Variants in PRKCG observed in about 807,000 individuals in gnomAD.
PRKCG encodes protein kinase C gamma type.
In PRKCG, 28 loss-of-function variants were observed where a neutral mutation model predicts 82.0. The observed-to-expected ratio is 0.34, with a 90% CI of 0.25 to 0.47. The LOEUF is 0.47. PRKCG is among the 20% of genes least tolerant of loss of function. PRKCG has a pLI of 1.00. For missense variants in PRKCG, 640 were observed against 952.7 expected (o/e 0.67, Z 4.32); for synonymous variants, 383 against 376.6 (o/e 1.02, Z -0.20).
rs1488083609 is a variant in PRKCG at position 53,892,762 on chromosome 19, A to G, written c.821+119A>G. 877 of 1,089,976 alleles carry G rather than the reference A, an allele frequency of 8.0e-4. 7 individuals are homozygous for G. Among genetic ancestry groups the G allele is most frequent in the Middle Eastern group, 3.1e-3 (13 of 4,152 alleles). 67.5% of individuals were successfully genotyped at this position (1,089,976 alleles called of 1,614,324 possible). On this transcript the variant is annotated intron_variant, in intron 7 of 17. Transcript: ENST00000263431. The surrounding 1 kb of genome is among the most constrained non-coding windows in gnomAD (Gnocchi z 5.9). ...TGCCTCCCAGCATGCGCACACACAC[A>G]CACACACACACACACACACGCACAC...
rs1002891475 is a variant in PRKCG, at chr19:53,907,321, C to T, written c.*426C>T. On this transcript the variant is annotated 3_prime_UTR_variant, in exon 18 of 18. Transcript: ENST00000263431. ...CCAGAACAGCCCTCGGCCTCCGAGG[C>T]TCCCCGCCTCCACTCTAGTTCTAGA... The T allele has an allele frequency of 6.7e-5, 18 of 268,518 alleles. No individual in the cohort carries two copies. The highest frequency in any genetic ancestry group is 1.2e-4 in the Non-Finnish European group (16 of 135,944). The allele number at this position is 268,518 out of a possible 1,614,324, so 16.6% of individuals were successfully genotyped here.
Position 53,899,970 on chromosome 19 carries a change from G to A in PRKCG, c.1282-263G>A, listed in dbSNP as rs182596402. Among the ~76,000 whole-genome samples the A allele has an allele frequency of 3.9e-5, 6 of 152,298 alleles. No homozygotes were observed. In the East Asian group the frequency reaches 5.8e-4, roughly 15 times the overall value. The stretch of plus-strand genomic sequence containing the variant: ...AGAGATTTTGGTGTTCCCGGATTTC[G>A]AGCGAATGGTGGGCTTCAGTCTTCA... On this transcript the variant is annotated intron_variant, in intron 11 of 17. Coordinates refer to ENST00000263431, the MANE Select transcript of PRKCG (RefSeq NM_002739.5).
At position 53,883,128 on chromosome 19, in the gene PRKCG, T is replaced by C. The variant is rs2068605506; in HGVS notation, c.171-35T>C. 1 of 1,613,616 alleles carries C rather than the reference T, an allele frequency of 6.2e-7. No homozygotes were observed. Among genetic ancestry groups the C allele is most frequent in the African/African-American group, 1.3e-5 (1 of 74,898 alleles). On this transcript the variant is annotated intron_variant, in intron 1 of 17. Coordinates refer to ENST00000263431, the MANE Select transcript of PRKCG (RefSeq NM_002739.5). The surrounding 1 kb of genome is among the most constrained non-coding windows in gnomAD (Gnocchi z 5.4). The stretch of plus-strand genomic sequence containing the variant: ...CAGAGGTTGGGGGTCCAGGTACCCC[T>C]TTCTGCACTGACCTAGGATCCCTGA...
chr19:53,899,522 C>G (rs2068746933), intron 11 of PRKCG, among the ~76,000 whole-genome samples: 1 of 151,954 alleles, frequency 6.6e-6, no homozygotes, highest in South Asian at 2.1e-4. Flanking sequence ...CGTGACTTTA[C>G]TTCCAGGGGC....
At chr19:53,887,235 C>T (rs961546603) in intron 3 of PRKCG, among the ~76,000 whole-genome samples, 12 of 151,988 alleles carry the variant, frequency 7.9e-5, no homozygotes, top group East Asian at 1.9e-4. Context: ...CAGTGGCTCA[C>T]GCCTGTAATC....
intron 3 of PRKCG, among the ~76,000 whole-genome samples, chr19:53,887,542 A>G (rs1224004521): frequency 7.6e-6 from 1 of 132,066 alleles, no homozygotes; most frequent in Non-Finnish European, 1.6e-5. Flanking sequence ...AAAAGGTAAC[A>G]TGCCTTGACC....
At position 53,893,267 on chromosome 19, in the gene PRKCG, G is replaced by C. The variant is rs901119724; in HGVS notation, c.910-95G>C. ...ATGGGAATTATAGTTCCTATCTATC[G>C]CCATGGCTTGAGGGTACTAGGGGCC... On this transcript the variant is annotated intron_variant, in intron 8 of 17. Transcript: ENST00000263431. The C allele has an allele frequency of 6.3e-6, 9 of 1,418,710 alleles. No homozygotes were observed. In the African/African-American group the frequency reaches 1.1e-4, roughly 18 times the overall value. The allele number at this position is 1,418,710 out of a possible 1,614,324, so 87.9% of individuals were successfully genotyped here. A position where few individuals can be genotyped will look rare whatever the true frequency, so the allele number is the denominator to read the frequency against.
At position 53,884,295 on chromosome 19, in the gene PRKCG, C is replaced by A; in HGVS notation, c.285+52C>A. 1.3e-6 allele frequency: 2 copies of A among 1,532,720 alleles called. No individual in the cohort carries two copies. Among genetic ancestry groups the A allele is most frequent in the African/African-American group, 1.4e-5 (1 of 73,248 alleles). The allele number at this position is 1,532,720 out of a possible 1,614,324, so 94.9% of individuals were successfully genotyped here. ...TCCTCGGGCCGTGCCCCCGCCCTCACCCCCTCGGCGTCCGTCCCAATTTCT... is the reference window on the plus strand; with the variant it reads ...TCCTCGGGCCGTGCCCCCGCCCTCAACCCCTCGGCGTCCGTCCCAATTTCT... On this transcript the variant is annotated intron_variant, in intron 3 of 17. Transcript: ENST00000263431. This position sits in a 1 kb window ranked among gnomAD's most constrained non-coding sequence, Gnocchi z 4.6.
chr19:53,887,551 C>T (rs369451797), intron 3 of PRKCG, among the ~76,000 whole-genome samples: 1 of 133,842 alleles, frequency 7.5e-6, no homozygotes, highest in Non-Finnish European at 1.5e-5. Context: ...CATGCCTTGA[C>T]CAGGCATGGT....
intron 17 of PRKCG, 62 bp from the exon 18 acceptor site, chr19:53,906,645 C>T: frequency 6.3e-7 from 1 of 1,585,612 alleles, no homozygotes; most frequent in African/African-American, 1.3e-5. Flanking sequence ...CTGGGGTACA[C>T]AGAGGGACAC....
rs1171457207 is a variant in PRKCG, at chr19:53,889,300, C to A, written c.286-338C>A. On this transcript the variant is annotated intron_variant, in intron 3 of 17. Coordinates refer to ENST00000263431, the MANE Select transcript of PRKCG (RefSeq NM_002739.5). The surrounding 1 kb of genome is among the most constrained non-coding windows in gnomAD (Gnocchi z 4.4). ...TCAATCCCCCAACTTCTGGTGGTCC[C>A]CATCCCTGCCTCATTTTTTCTCCAG... Among the ~76,000 whole-genome samples the A allele has an allele frequency of 6.6e-6, 1 of 152,156 alleles. No individual in the cohort carries two copies. The highest frequency in any genetic ancestry group is 2.4e-5 in the African/African-American group (1 of 41,446).
intron 14 of PRKCG, among the ~76,000 whole-genome samples, chr19:53,902,673 T>C (rs2068772103): frequency 6.6e-6 from 1 of 151,882 alleles, no homozygotes; most frequent in African/African-American, 2.4e-5. Context: ...GGCAGGCCAA[T>C]TGCTTGAGTC....
At chr19:53,887,612 C>T (rs747640930) in intron 3 of PRKCG, among the ~76,000 whole-genome samples, 1 of 146,716 alleles carries the variant, frequency 6.8e-6, no homozygotes, top group African/African-American at 2.5e-5. Context: ...AAGCGGATCA[C>T]GAGGTCAGGA....
intron 9 of PRKCG, among the ~76,000 whole-genome samples, chr19:53,896,450 C>T (rs965948796): frequency 6.6e-6 from 1 of 151,304 alleles, no homozygotes; most frequent in Non-Finnish European, 1.5e-5. Flanking sequence ...GACACAGTCT[C>T]GCTCTGTCGC....
Position 53,883,837 on chromosome 19 carries a change from G to A in PRKCG, c.203-324G>A, listed in dbSNP as rs60237763. ...TCTCCTGGCTTTCTGATCTCCGTCC[G>A]TGGGCCTGTGTCTGTTTGTCAATGG... On this transcript the variant is annotated intron_variant, in intron 2 of 17. Transcript: ENST00000263431. This position sits in a 1 kb window ranked among gnomAD's most constrained non-coding sequence, Gnocchi z 5.4. 2.6e-5 allele frequency among the ~76,000 whole-genome samples: 4 copies of A among 152,118 alleles called. No homozygotes were observed. Among genetic ancestry groups the A allele is most frequent in the African/African-American group, 9.7e-5 (4 of 41,414 alleles).
Position 53,889,681 on chromosome 19 carries a change from G to A in PRKCG, c.329G>A (p.Ser110Asn). 6.2e-7 allele frequency: 1 copy of A among 1,614,176 alleles called. No individual in the cohort carries two copies. Among genetic ancestry groups the A allele is most frequent in the Non-Finnish European group, 8.5e-7 (1 of 1,180,032 alleles). ...AAGTTCCGCCTGCATAGCTACAGCA[G>A]CCCCACCTTCTGCGACCACTGTGGC... ...KHKFRLHSYS[S>N]PTFCDHCGSL... Residue 110 changes from serine to asparagine, a missense_variant, in exon 4 of 18, where the codon AGC (serine) becomes AAC (asparagine). By Grantham distance (46) the Ser-to-Asn change is conservative. Transcript: ENST00000263431. The surrounding 1 kb of genome is among the most constrained non-coding windows in gnomAD (Gnocchi z 4.4).
At chr19:53,896,853 A>C (rs1271713502) in intron 9 of PRKCG, among the ~76,000 whole-genome samples, 3 of 152,234 alleles carry the variant, frequency 2.0e-5, no homozygotes, top group African/African-American at 7.2e-5. Flanking sequence ...ATTACTAAGA[A>C]TAAAAGTGCC....
Position 53,898,016 on chromosome 19 carries a change from G to T in PRKCG, c.997G>T (p.Asp333Tyr). ...CCCCTCCCCTTCCCCTAGTCCCACC[G>T]ACCCCAAGCGCTGCTTCTTCGGGGC... The part of the protein sequence containing the change: ...PIPSPSPSPT[D>Y]PKRCFFGASP... Residue 333 changes from aspartate (D) to tyrosine (Y), a missense_variant, in exon 10 of 18, where the codon GAC becomes TAC. Coordinates refer to ENST00000263431, the MANE Select transcript of PRKCG (RefSeq NM_002739.5). 1 of 1,613,912 alleles carries T rather than the reference G, an allele frequency of 6.2e-7. No individual in the cohort carries two copies. The highest frequency in any genetic ancestry group is 8.5e-7 in the Non-Finnish European group (1 of 1,179,990).
intron 14 of PRKCG, among the ~76,000 whole-genome samples, chr19:53,902,507 G>A (rs572428048): frequency 5.9e-5 from 9 of 152,306 alleles, no homozygotes; most frequent in Non-Finnish European, 7.3e-5. Context: ...TGACTTGGCC[G>A]TTAGGTAGTC....
Sources: allele counts gnomAD v4.1 joint callset (sites outside exome capture counted in the v4.1 genomes callset), GRCh38; gene constraint gnomAD v4.1.1; non-coding constraint Gnocchi (gnomAD v3.1); transcripts MANE v1.5; gene names NCBI Gene and HGNC (gene_info 2026-07-23, HGNC 2026-07-21).